The following PIK3R3 variants were observed in gnomAD, a reference collection of about 807,000 sequenced individuals.
PIK3R3 encodes the protein phosphatidylinositol 3-kinase regulatory subunit gamma.
PIK3R3 carries 64 observed loss-of-function variants against 62.9 expected under a neutral mutation model. That is an observed-to-expected ratio of 1.02 (90% CI 0.83 to 1.25). The LOEUF (loss-of-function observed/expected upper bound fraction) is 1.25. Among genes scored for constraint, PIK3R3 ranks in the 50% most tolerant of loss-of-function variants. PIK3R3 has a pLI of 0.00. For missense variants in PIK3R3, 614 were observed against 561.6 expected, an observed-to-expected ratio of 1.09 and a Z score of -0.94; for synonymous variants, 165 against 189.0, an observed-to-expected ratio of 0.87 and a Z score of 1.04.
upstream of PIK3R3, chr1:46,132,938 G>A (rs1364492950): frequency 2.5e-5 from 29 of 1,162,916 alleles, no homozygotes; most frequent in Non-Finnish European, 2.8e-5. Flanking sequence ...GGCGCTGGCC[G>A]CACTCCAGGA....
intron 1 of PIK3R3, among the ~76,000 whole-genome samples, chr1:46,117,466 T>G (rs1654287558): frequency 6.6e-6 from 1 of 152,126 alleles, no homozygotes; most frequent in Admixed American, 6.6e-5. Flanking sequence ...CAATCTAAAT[T>G]TATCAACTAA....
intron 4 of PIK3R3, among the ~76,000 whole-genome samples, chr1:46,066,394 T>C (rs1435762333): frequency 6.6e-6 from 1 of 152,170 alleles, no homozygotes; most frequent in Non-Finnish European, 1.5e-5. Context: ...CACATCAAAA[T>C]GATTAATACT....
rs117330165 is a variant in PIK3R3 at position 46,115,756 on chromosome 1, T to C, written c.106+16091A>G. Among the ~76,000 whole-genome samples the C allele has an allele frequency of 1.0e-3, 153 of 152,348 alleles. 2 individuals carry two copies. The East Asian group carries it at 0.027, about 27-fold the overall frequency. On this transcript the variant is annotated intron_variant, in intron 1 of 9. Transcript: ENST00000262741. ...TTTTTCCAAAAGCCAAAACATATTA[T>C]ATCCTCTACCACAGATAAGTGTGAC...
At chr1:46,166,117 C>CT in the PIK3R3 span, among the ~76,000 whole-genome samples, 1,098 of 151,954 alleles carry the variant, frequency 7.2e-3, 14 homozygotes, top group South Asian at 0.016. Context: ...AAGAAGCACT[C>CT]TTTTTTTGGT....
chr1:46,169,891 C>A, the PIK3R3 span, among the ~76,000 whole-genome samples: 1 of 152,162 alleles, frequency 6.6e-6, no homozygotes, highest in Non-Finnish European at 1.5e-5. Context: ...AAAGATTGGA[C>A]AAGGGTCCCC....
rs1655708788 is a variant in PIK3R3, at chr1:46,132,534, CCGGCCGGAGAAGTCCAGT to C, written c.-600_-583del. On this transcript the variant is annotated 5_prime_UTR_variant, in exon 1 of 10. Transcript: ENST00000262741. Reference sequence around the variant, plus strand: ...AGCTGCCGCAGCCTCGGGAATGGGGCCGGCCGGAGAAGTCCAGTCAGCTCGGCTTGTCTGGGCGCTCCC... The same window carrying C: ...AGCTGCCGCAGCCTCGGGAATGGGGCCAGCTCGGCTTGTCTGGGCGCTCCC... The C allele has an allele frequency of 8.0e-7, 1 of 1,249,916 alleles. No homozygotes were observed. The highest frequency in any genetic ancestry group is 1.5e-5 in the African/African-American group (1 of 64,774). The allele number at this position is 1,249,916 out of a possible 1,614,324, so 77.4% of individuals were successfully genotyped here.
chr1:46,168,177 TA>T, the PIK3R3 span, among the ~76,000 whole-genome samples: 1 of 151,922 alleles, frequency 6.6e-6, no homozygotes. Flanking sequence ...TAAATTAAAT[TA>T]AATTTAAAAA....
intron 1 of PIK3R3, among the ~76,000 whole-genome samples, chr1:46,118,554 CTTT>C (rs1291550266): frequency 3.0e-5 from 4 of 132,206 alleles, no homozygotes; most frequent in Admixed American, 7.6e-5. Context: ...CATTACTTGT[CTTT>C]TTTTTTTTTT....
At chr1:46,145,877 G>A in the PIK3R3 span, among the ~76,000 whole-genome samples, 1 of 152,192 alleles carries the variant, frequency 6.6e-6, no homozygotes, top group African/African-American at 2.4e-5. Flanking sequence ...ACAGGCTAAA[G>A]TCCATTTGGG....
the PIK3R3 span, among the ~76,000 whole-genome samples, chr1:46,154,966 T>C: frequency 1.3e-5 from 2 of 152,224 alleles, no homozygotes; most frequent in Non-Finnish European, 2.9e-5. Flanking sequence ...TACTAGGATG[T>C]ATCACAATCT....
At chr1:46,141,416 GC>G in the PIK3R3 span, among the ~76,000 whole-genome samples, 5 of 151,690 alleles carry the variant, frequency 3.3e-5, no homozygotes, top group African/African-American at 1.2e-4. Context: ...GATTACAGGC[GC>G]CCACCACCAC....
chr1:46,137,639 G>C (rs904771628), upstream of PIK3R3, among the ~76,000 whole-genome samples: 8 of 152,176 alleles, frequency 5.3e-5, no homozygotes, highest in Non-Finnish European at 1.0e-4. Context: ...CCTCTGCACA[G>C]CCCTTGGCAC....
At chr1:46,056,092 C>G in intron 6 of PIK3R3, 121 bp from the exon 7 acceptor site, 2 of 627,602 alleles carry the variant, frequency 3.2e-6, no homozygotes, top group South Asian at 4.3e-5. Context: ...GCTCTGTCAC[C>G]CAGGCTGGAG....
chr1:46,161,358 A>G, the PIK3R3 span, among the ~76,000 whole-genome samples: 1 of 150,136 alleles, frequency 6.7e-6, no homozygotes, highest in African/African-American at 2.5e-5. Flanking sequence ...TTGGCCTCCC[A>G]AAGTGCTGAG....
chr1:46,055,795 A>G lies in PIK3R3; in HGVS notation c.941T>C (p.Val314Ala), dbSNP rs769569615. Reference protein sequence around the residue: ...QLRKIRDQHLVWLNHKGVRQK... With the variant: ...QLRKIRDQHLAWLNHKGVRQK... ...CCCCATACACTCCCAGACTACTTAC[A>G]CAAGGTGTTGATCTCGGATCTTTCG... Residue 314 changes from valine (V) to alanine (A), a missense_variant and splice_region_variant, in exon 7 of 10, where the codon GTA (valine) becomes GCA (alanine). By Grantham distance (64) the Val-to-Ala change is moderately conservative. Coordinates refer to ENST00000262741, the MANE Select transcript of PIK3R3 (RefSeq NM_003629.4). 13 of 1,582,444 alleles carry G rather than the reference A, an allele frequency of 8.2e-6. No individual in the cohort carries two copies. The highest frequency in any genetic ancestry group is 1.0e-5 in the Non-Finnish European group (12 of 1,165,148).
At chr1:46,114,053 T>A (rs1337647807) in intron 1 of PIK3R3, among the ~76,000 whole-genome samples, 1 of 152,192 alleles carries the variant, frequency 6.6e-6, no homozygotes, top group Non-Finnish European at 1.5e-5. Flanking sequence ...GATTATGTAA[T>A]CTTCATATCC....
At chr1:46,089,551 TA>T (rs1651411233) in intron 1 of PIK3R3, among the ~76,000 whole-genome samples, 1 of 151,848 alleles carries the variant, frequency 6.6e-6, no homozygotes, top group African/African-American at 2.4e-5. Flanking sequence ...CCATCTCTAC[TA>T]AAAATGTAAA....
intron 7 of PIK3R3, among the ~76,000 whole-genome samples, chr1:46,049,673 G>C (rs771442518): frequency 1.3e-5 from 2 of 152,210 alleles, no homozygotes; most frequent in African/African-American, 4.8e-5. Flanking sequence ...AAAGGACTTT[G>C]TGCTCCTCTA....
chr1:46,104,180 G>A (rs1258536033), intron 1 of PIK3R3, among the ~76,000 whole-genome samples: 6 of 151,928 alleles, frequency 3.9e-5, no homozygotes, highest in East Asian at 3.9e-4. Context: ...CACTCGCCTC[G>A]GACTTCCAAA....
Sources: gnomAD v4.1 joint callset for allele counts (sites outside exome capture counted in the v4.1 genomes callset) on GRCh38, gnomAD v4.1.1 for gene constraint, MANE v1.5 for transcripts, NCBI Gene and HGNC (gene_info 2026-07-23, HGNC 2026-07-21) for gene names.